Variants in PSAT1 observed in about 807,000 individuals in gnomAD.
The protein encoded by PSAT1 is phosphoserine aminotransferase 1, also known as phosphoserine aminotransferase.
A neutral mutation model predicts 40.3 loss-of-function variants in PSAT1; 41 were observed. That is an observed-to-expected ratio of 1.02 (90% CI 0.79 to 1.32). The LOEUF (loss-of-function observed/expected upper bound fraction) is 1.32, where lower values mean the gene tolerates loss of function less well. PSAT1 is among the 40% of genes most tolerant of loss of function. The pLI is 0.00. For missense variants in PSAT1, 406 were observed against 455.8 expected (o/e 0.89, Z 0.99); for synonymous variants, 147 against 170.5 (o/e 0.86, Z 1.07).
intron 3 of PSAT1, among the ~76,000 whole-genome samples, chr9:78,303,368 T>A (rs760690634): frequency 2.0e-5 from 3 of 152,144 alleles, no homozygotes; most frequent in Non-Finnish European, 4.4e-5. Context: ...CATAGGACAA[T>A]CCTGTCCTTC....
chr9:78,300,621 A>G lies in PSAT1; in HGVS notation c.80A>G (p.Lys27Arg), dbSNP rs199858132. The change falls in exon 2 of 9, where the codon AAG (lysine) becomes AGG (arginine). Residue 27 changes from lysine to arginine, a missense_variant. Physicochemically the swap from Lys to Arg is conservative, Grantham distance 26. Coordinates refer to ENST00000376588, the MANE Select transcript of PSAT1 (RefSeq NM_058179.4). ...TTCTAGGTGTTGTTAGAGATACAAA[A>G]GGAATTATTAGACTACAAAGGAGTT... ...LPHSVLLEIQ[K>R]ELLDYKGVGI... 1.9e-6 allele frequency: 3 copies of G among 1,610,496 alleles called. No individual in the cohort carries two copies. Among genetic ancestry groups the G allele is most frequent in the Non-Finnish European group, 1.7e-6 (2 of 1,178,948 alleles).
intron 3 of PSAT1, among the ~76,000 whole-genome samples, chr9:78,303,358 CATAGG>C (rs1253429345): frequency 6.6e-6 from 1 of 152,156 alleles, no homozygotes; most frequent in Non-Finnish European, 1.5e-5. Flanking sequence ...ATGTCACATT[CATAGG>C]ACAATCCTGT....
At chr9:78,323,613 A>G in intron 7 of PSAT1, among the ~76,000 whole-genome samples, 1 of 152,076 alleles carries the variant, frequency 6.6e-6, no homozygotes, top group East Asian at 1.9e-4. Context: ...CAAGAGTTAT[A>G]TATACATACA....
chr9:78,326,955 A>ATATATAT, intron 7 of PSAT1, among the ~76,000 whole-genome samples: 4 of 75,934 alleles, frequency 5.3e-5, no homozygotes, highest in Non-Finnish European at 8.4e-5. Flanking sequence ...ATATATATAT[A>ATATATAT]TTTTTTTTTT....
intron 6 of PSAT1, among the ~76,000 whole-genome samples, chr9:78,311,313 G>A (rs886201026): frequency 3.3e-5 from 5 of 152,146 alleles, no homozygotes; most frequent in African/African-American, 1.2e-4. Context: ...GTTTGGAGAT[G>A]GGGCCAGGGC....
chr9:78,308,468 G>A lies in PSAT1; in HGVS notation c.625G>A (p.Val209Met), dbSNP rs967508739. ...QKNVGSAGVT[V>M]VIVRDDLLGF... ...GAATGTTGGCTCTGCTGGGGTCACC[G>A]TGGTGATTGTCCGTGATGACCTGCT... The change falls in exon 6 of 9, where the codon GTG becomes ATG. Residue 209 changes from valine to methionine, a missense_variant. Val to Met is a conservative substitution (Grantham distance 21). Transcript: ENST00000376588. 7.4e-6 allele frequency: 12 copies of A among 1,613,892 alleles called. No individual in the cohort carries two copies. The highest frequency in any genetic ancestry group is 2.2e-5 in the East Asian group (1 of 44,884).
rs747425951 is a variant in PSAT1, at chr9:78,328,964, A to G, written c.1008-17A>G. 8.1e-5 allele frequency: 130 copies of G among 1,598,426 alleles called. No individual in the cohort carries two copies. The highest frequency in any genetic ancestry group is 1.1e-4 in the Non-Finnish European group (128 of 1,165,892). On this transcript the variant is annotated splice_polypyrimidine_tract_variant and intron_variant, in intron 8 of 8. Transcript: ENST00000376588. ...AGACGTTTTTGTTCTCAATGCCTGG[A>G]TCTTTGGTCATTCTAGGTCTGTGGG...
At chr9:78,324,769 G>C (rs538360386) in intron 7 of PSAT1, among the ~76,000 whole-genome samples, 5 of 152,042 alleles carry the variant, frequency 3.3e-5, no homozygotes, top group Non-Finnish European at 5.9e-5. Flanking sequence ...AAAAGGGAGA[G>C]CCTCTTTTTC....
chr9:78,316,780 G>A (rs552466796), intron 6 of PSAT1, among the ~76,000 whole-genome samples: 1 of 152,186 alleles, frequency 6.6e-6, no homozygotes, highest in African/African-American at 2.4e-5. Context: ...AGGACTGGGA[G>A]GGGGAGCCCG....
rs1178336302 is a variant in PSAT1, at chr9:78,308,530, A to G, written c.687A>G (p.Glu229=). 4.3e-6 allele frequency: 7 copies of G among 1,613,956 alleles called. No homozygotes were observed. In the South Asian group the frequency reaches 6.6e-5, roughly 15 times the overall value. The change falls in exon 6 of 9, where the codon GAA becomes GAG. Residue 229 remains glutamate (E), a synonymous_variant. Coordinates refer to ENST00000376588, the MANE Select transcript of PSAT1 (RefSeq NM_058179.4). Reference sequence around the variant, plus strand: ...TCCGAGAGTGCCCCTCGGTCCTGGAATACAAGGTGCAGGCTGGAAACAGCT... The same window carrying G: ...TCCGAGAGTGCCCCTCGGTCCTGGAGTACAAGGTGCAGGCTGGAAACAGCT... The part of the protein sequence containing the change: ...FALRECPSVL[E]YKVQAGNSSL...
At chr9:78,310,620 T>TTTC (rs1397917356) in intron 6 of PSAT1, among the ~76,000 whole-genome samples, 1 of 151,916 alleles carries the variant, frequency 6.6e-6, no homozygotes, top group East Asian at 1.9e-4. Flanking sequence ...GAAAGAATTT[T>TTTC]TTTTTTTTTT....
chr9:78,297,252 C>A lies in PSAT1; in HGVS notation c.42C>A (p.Pro14=). Residue 14 remains proline (P), a synonymous_variant, in exon 1 of 9, where the codon CCC becomes CCA. Coordinates refer to ENST00000376588, the MANE Select transcript of PSAT1 (RefSeq NM_058179.4). The part of the protein sequence containing the change: ...PRQVVNFGPG[P]AKLPHSVLLE... ...AGGTGGTCAACTTTGGGCCTGGTCCCGCCAAGCTGCCGCACTCAGTAAGTC... is the reference window on the plus strand; with the variant it reads ...AGGTGGTCAACTTTGGGCCTGGTCCAGCCAAGCTGCCGCACTCAGTAAGTC... 1 of 1,601,496 alleles carries A rather than the reference C, an allele frequency of 6.2e-7. No homozygotes were observed. Among genetic ancestry groups the A allele is most frequent in the East Asian group, 2.2e-5 (1 of 44,684 alleles).
chr9:78,320,882 A>G (rs1828420002), intron 7 of PSAT1, among the ~76,000 whole-genome samples: 1 of 152,226 alleles, frequency 6.6e-6, no homozygotes, highest in Non-Finnish European at 1.5e-5. Flanking sequence ...TTAGCTCTAT[A>G]CATTTCTCAG....
intron 6 of PSAT1, 86 bp downstream of exon 6, chr9:78,308,669 T>G (rs375384058): frequency 1.3e-6 from 2 of 1,530,050 alleles, no homozygotes; most frequent in Non-Finnish European, 8.9e-7. Context: ...AAATAAAACA[T>G]GTAAGCCTGG....
chr9:78,299,375 T>G (rs1285775231), intron 1 of PSAT1, among the ~76,000 whole-genome samples: 1 of 152,050 alleles, frequency 6.6e-6, no homozygotes, highest in African/African-American at 2.4e-5. Flanking sequence ...TATTCACAGA[T>G]GAATGTTTCT....
Position 78,329,993 on chromosome 9 carries a change from C to T in PSAT1, c.*907C>T, listed in dbSNP as rs973017363. On this transcript the variant is annotated 3_prime_UTR_variant, in exon 9 of 9. Coordinates refer to ENST00000376588, the MANE Select transcript of PSAT1 (RefSeq NM_058179.4). ...CTGTTTTCTTTGTAATGTATGACTA[C>T]GAGAGTGATACTTTGCTGAAAAGTC... The T allele has an allele frequency of 3.3e-5, 5 of 152,142 alleles. No homozygotes were observed. Among genetic ancestry groups the T allele is most frequent in the Admixed American group, 6.5e-5 (1 of 15,276 alleles). 9.4% of individuals were successfully genotyped at this position (152,142 alleles called of 1,614,324 possible).
At chr9:78,308,650 T>C in intron 6 of PSAT1, 67 bp downstream of exon 6, 1 of 1,579,324 alleles carries the variant, frequency 6.3e-7, no homozygotes, top group Non-Finnish European at 8.6e-7. Flanking sequence ...AAGCGGAGGT[T>C]ACATTTTAAA....
At chr9:78,323,401 G>A (rs74842849) in intron 7 of PSAT1, among the ~76,000 whole-genome samples, 3,407 of 151,986 alleles carry the variant, frequency 0.022, 133 homozygotes, top group African/African-American at 0.078. Flanking sequence ...GTGAGACCTC[G>A]TCTCTACAAA....
At chr9:78,304,624 T>C in intron 3 of PSAT1, 111 bp from the exon 4 acceptor site, 1 of 997,098 alleles carries the variant, frequency 1.0e-6, no homozygotes, top group Non-Finnish European at 1.6e-6. Flanking sequence ...AACATTACCA[T>C]ATTTCTTGTA....
Sources: allele counts gnomAD v4.1 joint callset (sites outside exome capture counted in the v4.1 genomes callset), GRCh38; gene constraint gnomAD v4.1.1; transcripts MANE v1.5; gene names NCBI Gene and HGNC (gene_info 2026-07-23, HGNC 2026-07-21).